Variants in GANC observed in about 807,000 individuals in gnomAD.
The protein encoded by GANC is glucosidase alpha, neutral C.
Under a neutral mutation model 124.2 loss-of-function variants are expected in GANC, and 117 were observed. The observed-to-expected ratio is 0.94, with a 90% CI of 0.81 to 1.10. GANC has a LOEUF of 1.10. GANC is among the 50% of genes least tolerant of loss of function. The pLI, the probability that GANC is intolerant of heterozygous loss-of-function variation, is 0.00. For synonymous variants in GANC, 377 were observed against 376.8 expected (o/e 1.00, Z -0.01); for missense variants, 1,140 against 1,095.0 (o/e 1.04, Z -0.58).
Position 42,287,686 on chromosome 15 carries a change from T to G in GANC, c.202-5T>G, listed in dbSNP as rs1218014986. ...TTGAAGGTAATCTCTTGTATCTGTT[T>G]CCAGGTTCCTCTCCTGGCTGAAATT... On this transcript the variant is annotated splice_region_variant and splice_polypyrimidine_tract_variant and intron_variant, in intron 3 of 23. Transcript: ENST00000318010. 1 of 1,610,138 alleles carries G rather than the reference T, an allele frequency of 6.2e-7. No individual in the cohort carries two copies. The highest frequency in any genetic ancestry group is 1.7e-5 in the Admixed American group (1 of 58,820).
Position 42,273,615 on chromosome 15 carries a change from A to G in GANC, c.-867A>G. ...GGCGTCATCCTGTTGGAACCTGGTC[A>G]GCTGGGTTAGAGAGATCGCTACATG... On this transcript the variant is annotated 5_prime_UTR_variant, in exon 1 of 24. Transcript: ENST00000318010. 1 of 728,516 alleles carries G rather than the reference A, an allele frequency of 1.4e-6. No homozygotes were observed. The highest frequency in any genetic ancestry group is 2.8e-5 in the East Asian group (1 of 35,092). The allele number at this position is 728,516 out of a possible 1,614,324, so 45.1% of individuals were successfully genotyped here.
intron 12 of GANC, 53 bp from the exon 13 acceptor site, chr15:42,327,310 C>G (rs1659215): frequency 2.9e-6 from 4 of 1,356,562 alleles, no homozygotes; most frequent in Admixed American, 1.9e-5. Flanking sequence ...ACAATGCATC[C>G]TACTGTGAGG....
chr15:42,344,553 G>A (rs912156762), intron 19 of GANC: 5 of 152,178 alleles, frequency 3.3e-5, no homozygotes, highest in South Asian at 2.1e-4. Context: ...GGATTGTGAC[G>A]TGAGTACATC....
rs1023623812 is a variant in GANC, at chr15:42,352,658, C to T, written c.*519C>T. 8.1e-6 allele frequency: 8 copies of T among 986,230 alleles called. No homozygotes were observed. Among genetic ancestry groups the T allele is most frequent in the African/African-American group, 7.0e-5 (4 of 57,260 alleles). The allele number at this position is 986,230 out of a possible 1,614,324, so 61.1% of individuals were successfully genotyped here. On this transcript the variant is annotated 3_prime_UTR_variant, in exon 24 of 24. Coordinates refer to ENST00000318010, the MANE Select transcript of GANC (RefSeq NM_198141.3). The stretch of plus-strand genomic sequence containing the variant: ...CTGTGTGCACTGCATACGCTGCAGC[C>T]GTGGGAGTTATTCTCCCCTAGAGAT...
At chr15:42,274,545 A>G (rs761115379) in intron 1 of GANC, 35 bp downstream of exon 1, 11 of 1,586,354 alleles carry the variant, frequency 6.9e-6, no homozygotes, top group East Asian at 4.5e-5. Context: ...GAGTGACCCC[A>G]GGGTCCCTAG....
chr15:42,342,041 T>C (rs760072355), intron 18 of GANC, among the ~76,000 whole-genome samples: 8 of 152,196 alleles, frequency 5.3e-5, no homozygotes, highest in Non-Finnish European at 1.2e-4. Flanking sequence ...TCTTTTGGTA[T>C]TTGTCTTAAT....
Position 42,352,854 on chromosome 15 carries a change from T to C in GANC, c.*715T>C. On this transcript the variant is annotated 3_prime_UTR_variant, in exon 24 of 24. Transcript: ENST00000318010. ...CTATAATTAATAACAATGAAATAAA[T>C]ACCCATGTACCCACCACTGGACTTC... 1 of 522,700 alleles carries C rather than the reference T, an allele frequency of 1.9e-6. No homozygotes were observed. Among genetic ancestry groups the C allele is most frequent in the South Asian group, 8.4e-5 (1 of 11,966 alleles). 32.4% of individuals were successfully genotyped at this position (522,700 alleles called of 1,614,324 possible).
rs777493651 is a variant in GANC at position 42,273,211 on chromosome 15, C to T, written c.-1271C>T. Reference sequence around the variant, plus strand: ...ACCCCTTGGGCCGCCGTAGCCCCACCCCTTGCTCCTCTAGGTTCAGACGTT... The same window carrying T: ...ACCCCTTGGGCCGCCGTAGCCCCACTCCTTGCTCCTCTAGGTTCAGACGTT... On this transcript the variant is annotated 5_prime_UTR_variant, in exon 1 of 24. Coordinates refer to ENST00000318010, the MANE Select transcript of GANC (RefSeq NM_198141.3). 2.5e-6 allele frequency: 4 copies of T among 1,609,840 alleles called. No individual in the cohort carries two copies. The highest frequency in any genetic ancestry group is 2.5e-6 in the Non-Finnish European group (3 of 1,176,710).
chr15:42,273,454 G>T lies in GANC; in HGVS notation c.-1028G>T, dbSNP rs529365545. ...ATTTCACCCTCTTCCGGTTCGTCCC[G>T]CCTTCTTCCGGCTCTGCTCTAAGGG... is the stretch of plus-strand genomic sequence containing the variant. On this transcript the variant is annotated 5_prime_UTR_variant, in exon 1 of 24. Transcript: ENST00000318010. 2.5e-6 allele frequency: 4 copies of T among 1,605,156 alleles called. No individual in the cohort carries two copies. The African/African-American group carries it at 4.0e-5, about 16-fold the overall frequency.
chr15:42,310,934 A>T, intron 10 of GANC, 88 bp downstream of exon 10: 1 of 1,411,334 alleles, frequency 7.1e-7, no homozygotes, highest in Non-Finnish European at 9.8e-7. Flanking sequence ...TTTGTTGTAT[A>T]CTATGTAGAG....
intron 19 of GANC, chr15:42,344,700 G>T (rs774832411): frequency 6.6e-6 from 1 of 152,174 alleles, no homozygotes; most frequent in Non-Finnish European, 1.5e-5. Context: ...GAAGATGAGG[G>T]CTCTTTACTA....
Position 42,353,473 on chromosome 15 carries a change from C to A in GANC, c.*1334C>A. 1 of 930,176 alleles carries A rather than the reference C, an allele frequency of 1.1e-6. No individual in the cohort carries two copies. The highest frequency in any genetic ancestry group is 1.3e-6 in the Non-Finnish European group (1 of 779,846). The allele number at this position is 930,176 out of a possible 1,614,324, so 57.6% of individuals were successfully genotyped here. On this transcript the variant is annotated 3_prime_UTR_variant, in exon 24 of 24. Coordinates refer to ENST00000318010, the MANE Select transcript of GANC (RefSeq NM_198141.3). ...CTGTCCCACTTATAACTGTGCTCTA[C>A]TTAGCATTCTCAGGGATCATACCTT...
chr15:42,291,258 G>T (rs2051838255), intron 4 of GANC, among the ~76,000 whole-genome samples: 1 of 152,172 alleles, frequency 6.6e-6, no homozygotes, highest in Non-Finnish European at 1.5e-5. Context: ...ATTGACTCAG[G>T]TACACATACC....
chr15:42,290,884 C>G (rs923471016), intron 4 of GANC, among the ~76,000 whole-genome samples: 4 of 151,926 alleles, frequency 2.6e-5, no homozygotes, highest in Admixed American at 2.6e-4. Flanking sequence ...ATAGTCAAAC[C>G]TCAAAATTTC....
chr15:42,282,620 C>G (rs1169338167), intron 3 of GANC, among the ~76,000 whole-genome samples: 1 of 152,088 alleles, frequency 6.6e-6, no homozygotes. Flanking sequence ...CCTTTAAAAC[C>G]CTTAAAGCAG....
intron 14 of GANC, among the ~76,000 whole-genome samples, chr15:42,330,055 TC>T (rs1166043407): frequency 6.6e-6 from 1 of 152,250 alleles, no homozygotes; most frequent in African/African-American, 2.4e-5. Flanking sequence ...GTGACTGTAT[TC>T]CTGTGGCCCT....
intron 13 of GANC, 181 bp downstream of exon 13, chr15:42,327,623 A>G: frequency 1.9e-6 from 1 of 530,618 alleles, no homozygotes; most frequent in Admixed American, 3.5e-5. Context: ...TGCCATATGC[A>G]TAAGCAAATG....
intron 3 of GANC, among the ~76,000 whole-genome samples, chr15:42,280,419 A>C (rs765347277): frequency 6.6e-6 from 1 of 152,146 alleles, no homozygotes; most frequent in Non-Finnish European, 1.5e-5. Flanking sequence ...ATGGGACAGC[A>C]CTAATTTCCT....
At chr15:42,339,576 C>G (rs997067320) in intron 16 of GANC, 93 bp from the exon 17 acceptor site, 2 of 1,481,258 alleles carry the variant, frequency 1.4e-6, no homozygotes, top group African/African-American at 2.8e-5. Context: ...ATATACTGCA[C>G]TTTTCTCCTG....
Sources: gnomAD v4.1 joint callset for allele counts (sites outside exome capture counted in the v4.1 genomes callset) on GRCh38, gnomAD v4.1.1 for gene constraint, MANE v1.5 for transcripts, NCBI Gene and HGNC (gene_info 2026-07-23, HGNC 2026-07-21) for gene names.